The following BRI3 variants were observed in gnomAD, a reference collection of about 807,000 sequenced individuals.
BRI3 encodes membrane protein BRI3.
BRI3 carries 6 observed loss-of-function variants against 12.8 expected under a neutral mutation model. That is an observed-to-expected ratio of 0.47 (90% confidence interval 0.26 to 0.93). The LOEUF is 0.93. BRI3 is among the 40% of genes least tolerant of loss of function. The pLI is 0.15. For missense variants in BRI3, 134 were observed against 171.1 expected (o/e 0.78, Z 1.21); for synonymous variants, 91 against 76.1 (o/e 1.20, Z -1.02).
chr7:98,297,683 A>C (rs1180557844), downstream of BRI3, among the ~76,000 whole-genome samples: 1 of 152,144 alleles, frequency 6.6e-6, no homozygotes, highest in African/African-American at 2.4e-5. Context: ...GCTGAGGCCC[A>C]AACAGGGAAA....
At chr7:98,304,067 C>T (rs1021029046), upstream of BRI3, 3 of 986,226 alleles carry the variant, frequency 3.0e-6, no homozygotes, top group African/African-American at 5.0e-5. Context: ...TCCCCTCCTC[C>T]CTCCTCCCCG....
downstream of BRI3, among the ~76,000 whole-genome samples, chr7:98,297,422 T>C (rs1800238804): frequency 6.6e-6 from 1 of 152,164 alleles, no homozygotes; most frequent in Non-Finnish European, 1.5e-5. Flanking sequence ...CAGAGAATGC[T>C]GGTGGCCCTC....
chr7:98,292,611 C>T (rs1409664760), downstream of BRI3: 2 of 1,550,590 alleles, frequency 1.3e-6, no homozygotes, highest in Non-Finnish European at 1.7e-6. Context: ...ATCATGGCTG[C>T]TAGGCTGAAA....
chr7:98,312,579 T>C (rs1800912066), downstream of BRI3, among the ~76,000 whole-genome samples: 1 of 152,190 alleles, frequency 6.6e-6, no homozygotes, highest in South Asian at 2.1e-4. Flanking sequence ...GAGCAATCTG[T>C]ATGAATCCCG....
exon 1 of BRI3, chr7:98,306,604 G>C (rs1392273955): frequency 5.0e-6 from 8 of 1,590,090 alleles, no homozygotes; most frequent in Admixed American, 1.7e-5. Flanking sequence ...GCTCAGGGCA[G>C]ACAGGTCCAC....
At chr7:98,282,540 G>A (rs923205075) in intron 2 of BRI3, 87 bp downstream of exon 2, 2 of 1,127,562 alleles carry the variant, frequency 1.8e-6, no homozygotes, top group African/African-American at 3.1e-5. Context: ...TCTGCTTGTG[G>A]GAGTGGGTCC....
downstream of BRI3, among the ~76,000 whole-genome samples, chr7:98,312,761 G>GC (rs1800919272): frequency 7.5e-6 from 1 of 133,576 alleles, no homozygotes; most frequent in Admixed American, 7.7e-5. Context: ...AGAGGGACTG[G>GC]GTGAGTGGTG....
At chr7:98,292,061 GC>G (rs1291527200), downstream of BRI3, 3 of 153,498 alleles carry the variant, frequency 2.0e-5, no homozygotes, top group Admixed American at 1.9e-4. Context: ...TGGTGGGGGT[GC>G]CTGGTTTGTC....
intron 1 of BRI3, among the ~76,000 whole-genome samples, chr7:98,300,101 C>T (rs565223569): frequency 3.3e-5 from 5 of 152,296 alleles, no homozygotes; most frequent in East Asian, 1.9e-4. Flanking sequence ...TTGCACCATC[C>T]GTTTTTCAAG....
At chr7:98,301,315 C>T (rs1161589971) in intron 1 of BRI3, among the ~76,000 whole-genome samples, 1 of 152,190 alleles carries the variant, frequency 6.6e-6, no homozygotes. Flanking sequence ...GCAGTCAGCA[C>T]TCAAACACGT....
the BRI3 span, chr7:98,315,590 C>G: frequency 9.6e-6 from 14 of 1,453,682 alleles, no homozygotes; most frequent in Non-Finnish European, 1.3e-5. Flanking sequence ...TTCACTCTGA[C>G]GAGAAGTAAC....
chr7:98,292,826 G>A (rs902370466), downstream of BRI3: 1 of 1,483,334 alleles, frequency 6.7e-7, no homozygotes, highest in Non-Finnish European at 9.0e-7. Context: ...TGGGCCGTGT[G>A]CAGCGAATCC....
the BRI3 span, chr7:98,317,281 T>TC: frequency 6.2e-7 from 1 of 1,614,274 alleles, no homozygotes; most frequent in East Asian, 2.2e-5. Flanking sequence ...CTTCTGATCT[T>TC]CTTCAACTCA....
At chr7:98,312,933 C>T (rs944006418), downstream of BRI3, among the ~76,000 whole-genome samples, 2 of 152,180 alleles carry the variant, frequency 1.3e-5, no homozygotes, top group African/African-American at 4.8e-5. Context: ...GCCCCCCAAG[C>T]GCTTCCAGTG....
At chr7:98,307,724 A>C in exon 2 of BRI3, 2 of 1,614,238 alleles carry the variant, frequency 1.2e-6, no homozygotes, top group Non-Finnish European at 1.7e-6. Flanking sequence ...AGAGCCAGCC[A>C]TCCTTCTCCT....
chr7:98,301,242 G>T (rs894262046), intron 1 of BRI3, among the ~76,000 whole-genome samples: 7 of 152,100 alleles, frequency 4.6e-5, no homozygotes, highest in African/African-American at 1.7e-4. Flanking sequence ...CCCTGTGGGC[G>T]TCACCTCCAC....
At chr7:98,299,810 G>GCGGGAGGATCACCTGAGAT (rs1193666830) in intron 1 of BRI3, among the ~76,000 whole-genome samples, 3 of 152,146 alleles carry the variant, frequency 2.0e-5, no homozygotes, top group African/African-American at 7.2e-5. Context: ...GGAGGCTGAG[G>GCGGGAGGATCACCTGAGAT]CGGGAGGATC....
At chr7:98,317,615 C>T in the BRI3 span, among the ~76,000 whole-genome samples, 349 of 151,630 alleles carry the variant, frequency 2.3e-3, 13 homozygotes, top group East Asian at 0.063. Context: ...CGTCTGCATG[C>T]TGGCTGGGAC....
chr7:98,282,259 C>CG (rs1353098307), intron 1 of BRI3, 92 bp from the exon 2 acceptor site: 2 of 1,128,534 alleles, frequency 1.8e-6, no homozygotes, highest in Non-Finnish European at 2.6e-6. Flanking sequence ...GCTTTTTTAG[C>CG]GGGGTGGAGG....
Sources: gnomAD v4.1 joint callset for allele counts (sites outside exome capture counted in the v4.1 genomes callset) on GRCh38, gnomAD v4.1.1 for gene constraint, MANE v1.5 for transcripts, NCBI Gene and HGNC (gene_info 2026-07-23, HGNC 2026-07-21) for gene names.